The following PLA2G12B variants were observed in gnomAD, a reference collection of about 807,000 sequenced individuals.
PLA2G12B encodes the protein phospholipase A2 group XIIB, also known as group XIIB secretory phospholipase A2-like protein.
A neutral mutation model predicts 22.3 loss-of-function variants in PLA2G12B; 19 were observed. That is an observed-to-expected ratio of 0.85 (90% confidence interval 0.60 to 1.25). The LOEUF (loss-of-function observed/expected upper bound fraction) is 1.25, where lower values mean the gene tolerates loss of function less well. PLA2G12B is among the 50% of genes most tolerant of loss of function. PLA2G12B has a pLI of 0.00. For synonymous variants in PLA2G12B, 81 were observed against 94.9 expected, an observed-to-expected ratio of 0.85 and a Z score of 0.85; for missense variants, 191 against 246.6, an observed-to-expected ratio of 0.77 and a Z score of 1.51.
At chr10:72,942,946 ATC>A (rs1225908868) in intron 1 of PLA2G12B, among the ~76,000 whole-genome samples, 1 of 151,646 alleles carries the variant, frequency 6.6e-6, no homozygotes, top group Non-Finnish European at 1.5e-5. Context: ...TTTTCCCCTA[ATC>A]TCAAAAAATT....
chr10:72,943,000 C>T (rs1372969854), intron 1 of PLA2G12B, among the ~76,000 whole-genome samples: 2 of 150,084 alleles, frequency 1.3e-5, no homozygotes, highest in African/African-American at 4.9e-5. Context: ...GGGTCCCTCT[C>T]TGTTGCCCAG....
Position 72,935,727 on chromosome 10 carries a change from A to C in PLA2G12B, c.478T>G (p.Ser160Ala). 6.2e-7 allele frequency: 1 copy of C among 1,613,772 alleles called. No homozygotes were observed. The highest frequency in any genetic ancestry group is 8.5e-7 in the Non-Finnish European group (1 of 1,179,870). The change falls in exon 4 of 4, where the codon TCC (serine) becomes GCC (alanine). Residue 160 changes from serine (S) to alanine (A), a missense_variant. Ser to Ala is a moderately conservative substitution (Grantham distance 99). Coordinates refer to ENST00000373032, the MANE Select transcript of PLA2G12B (RefSeq NM_032562.5). The part of the protein sequence containing the change: ...FVSKVEAACD[S>A]LVDTVFNTVW... Reference sequence around the variant, plus strand: ...GTGTTGAACACAGTGTCAACCAGGGAATCACAGGCTGCTTGAAAAAGATGA... The same window carrying C: ...GTGTTGAACACAGTGTCAACCAGGGCATCACAGGCTGCTTGAAAAAGATGA...
Position 72,954,721 on chromosome 10 carries a change from A to C in PLA2G12B, c.-36T>G, listed in dbSNP as rs768802270. On this transcript the variant is annotated 5_prime_UTR_variant, in exon 1 of 4. Coordinates refer to ENST00000373032, the MANE Select transcript of PLA2G12B (RefSeq NM_032562.5). ...GGTAGGTACTGGCTTCTCTCCTCAA[A>C]CCCCAGCCAGTGTCCCAGAATTCCA... 25 of 1,603,062 alleles carry C rather than the reference A, an allele frequency of 1.6e-5. No individual in the cohort carries two copies. Among genetic ancestry groups the C allele is most frequent in the African/African-American group, 1.3e-5 (1 of 74,648 alleles).
intron 3 of PLA2G12B, among the ~76,000 whole-genome samples, chr10:72,936,038 A>T (rs992249942): frequency 6.6e-6 from 1 of 152,188 alleles, no homozygotes; most frequent in African/African-American, 2.4e-5. Context: ...ACTCCCTCAC[A>T]TGAACAACTA....
chr10:72,948,797 T>G (rs1466389536), intron 1 of PLA2G12B, among the ~76,000 whole-genome samples: 3 of 152,238 alleles, frequency 2.0e-5, no homozygotes, highest in African/African-American at 4.8e-5. Flanking sequence ...AGAAAGAGAC[T>G]GACAGATTTG....
intron 3 of PLA2G12B, among the ~76,000 whole-genome samples, chr10:72,937,651 A>G (rs1039992260): frequency 2.6e-5 from 4 of 152,354 alleles, no homozygotes; most frequent in African/African-American, 9.6e-5. Context: ...ACAAAATAGT[A>G]GTAAACTGAA....
chr10:72,949,551 AT>A (rs1366442468), intron 1 of PLA2G12B, among the ~76,000 whole-genome samples: 1 of 152,178 alleles, frequency 6.6e-6, no homozygotes, highest in Non-Finnish European at 1.5e-5. Context: ...CAATGATATG[AT>A]TTTTCTATTA....
chr10:72,953,174 T>G (rs1261480867), intron 1 of PLA2G12B, among the ~76,000 whole-genome samples: 1 of 152,358 alleles, frequency 6.6e-6, no homozygotes, highest in East Asian at 1.9e-4. Context: ...CATTTTTCTC[T>G]GTGAAACTTT....
intron 3 of PLA2G12B, among the ~76,000 whole-genome samples, chr10:72,938,708 GATATAA>G (rs1265150557): frequency 6.6e-6 from 1 of 152,174 alleles, no homozygotes; most frequent in Non-Finnish European, 1.5e-5. Flanking sequence ...AAAGGACATT[GATATAA>G]ATATAATCTT....
intron 1 of PLA2G12B, among the ~76,000 whole-genome samples, chr10:72,949,802 C>T (rs1174820810): frequency 6.6e-6 from 1 of 152,114 alleles, no homozygotes; most frequent in Non-Finnish European, 1.5e-5. Flanking sequence ...CATGGTGAAA[C>T]CCCCGTCTCT....
intron 2 of PLA2G12B, among the ~76,000 whole-genome samples, chr10:72,942,149 G>GTGTGTGT (rs962797141): frequency 7.4e-6 from 1 of 135,960 alleles, no homozygotes; most frequent in African/African-American, 2.6e-5. Context: ...CAGGGCGTCG[G>GTGTGTGT]GTGTGTGTGT....
intron 1 of PLA2G12B, among the ~76,000 whole-genome samples, chr10:72,949,548 A>G (rs562753478): frequency 6.6e-6 from 1 of 152,352 alleles, no homozygotes; most frequent in South Asian, 2.1e-4. Flanking sequence ...ACTCAATGAT[A>G]TGATTTTTCT....
chr10:72,943,963 C>G (rs764622471), intron 1 of PLA2G12B, among the ~76,000 whole-genome samples: 15 of 151,874 alleles, frequency 9.9e-5, no homozygotes, highest in Non-Finnish European at 1.6e-4. Context: ...TTCTTTCTTT[C>G]TTTTCTTTCT....
rs776693774 is a variant in PLA2G12B, at chr10:72,954,532, A to G, written c.154T>C (p.Ser52Pro). 6.2e-7 allele frequency: 1 copy of G among 1,614,206 alleles called. No homozygotes were observed. The highest frequency in any genetic ancestry group is 1.1e-5 in the South Asian group (1 of 91,084). The change falls in exon 1 of 4, where the codon TCT (serine) becomes CCT (proline). Residue 52 changes from serine to proline, a missense_variant. By Grantham distance (74) the Ser-to-Pro change is moderately conservative. Transcript: ENST00000373032. ...TTCCCTCCCAGCAGCTCCAGAAAAG[A>G]ATCGAAGTAGCTATTGACGGATTCA... ...SFESVNSYFDSFLELLGGKNG... is the reference protein window; with the variant it reads ...SFESVNSYFDPFLELLGGKNG...
intron 1 of PLA2G12B, among the ~76,000 whole-genome samples, chr10:72,952,751 G>A (rs1213752003): frequency 2.6e-5 from 4 of 152,128 alleles, no homozygotes; most frequent in Admixed American, 6.6e-5. Context: ...TCTTTGAGCA[G>A]GTTGTTTTAC....
Position 72,941,265 on chromosome 10 carries a change from C to T in PLA2G12B, c.370G>A (p.Ala124Thr). 2 of 1,613,844 alleles carry T rather than the reference C, an allele frequency of 1.2e-6. No homozygotes were observed. Among genetic ancestry groups the T allele is most frequent in the South Asian group, 1.1e-5 (1 of 91,068 alleles). Residue 124 changes from alanine to threonine, a missense_variant, in exon 3 of 4, where the codon GCC becomes ACC. Coordinates refer to ENST00000373032, the MANE Select transcript of PLA2G12B (RefSeq NM_032562.5). ...QLDVCYDTCG[A>T]NKYRCDAKFR... ...TTTGCATCACAGCGATATTTGTTGG[C>T]ACCGCAAGTGTCATAACAGACATCC... is the stretch of plus-strand genomic sequence containing the variant.
chr10:72,939,472 C>T (rs1217433926), intron 3 of PLA2G12B, among the ~76,000 whole-genome samples: 1 of 152,122 alleles, frequency 6.6e-6, no homozygotes, highest in Non-Finnish European at 1.5e-5. Flanking sequence ...GGATTCACCT[C>T]ACAGAATGGA....
chr10:72,944,003 TCTTTCTTCCTTCCTTC>T (rs1164380226), intron 1 of PLA2G12B, among the ~76,000 whole-genome samples: 2 of 151,716 alleles, frequency 1.3e-5, no homozygotes, highest in African/African-American at 4.9e-5. Flanking sequence ...TCTTTCTTTT[TCTTTCTTCCTTCCTTC>T]CTTTCTTCCT....
chr10:72,954,124 G>C (rs1846578188), intron 1 of PLA2G12B, among the ~76,000 whole-genome samples: 1 of 152,054 alleles, frequency 6.6e-6, no homozygotes, highest in Non-Finnish European at 1.5e-5. Flanking sequence ...TCCCACCCCA[G>C]GTACCCTTTT....
Sources: allele counts gnomAD v4.1 joint callset (sites outside exome capture counted in the v4.1 genomes callset), GRCh38; gene constraint gnomAD v4.1.1; transcripts MANE v1.5; gene names NCBI Gene and HGNC (gene_info 2026-07-23, HGNC 2026-07-21).